Variants in TSC22D1 observed in about 807,000 individuals in gnomAD.
TSC22D1 encodes the protein TSC22 domain family protein 1.
TSC22D1 carries 9 observed loss-of-function variants against 74.2 expected under a neutral mutation model. The observed-to-expected ratio is 0.12, with a 90% CI of 0.07 to 0.21. The LOEUF (loss-of-function observed/expected upper bound fraction) is 0.21, where lower values mean the gene tolerates loss of function less well. Ranked by LOEUF, TSC22D1 falls within the 10% of genes least tolerant of loss-of-function variation. The pLI, the probability that TSC22D1 is intolerant of heterozygous loss-of-function variation, is 1.00. For missense variants in TSC22D1, 1,427 were observed against 1,304.7 expected, an observed-to-expected ratio of 1.09 and a Z score of -1.44; for synonymous variants, 586 against 492.5, an observed-to-expected ratio of 1.19 and a Z score of -2.51.
chr13:44,545,980 A>T (rs1053352875), intron 1 of TSC22D1, among the ~76,000 whole-genome samples: 2 of 151,858 alleles, frequency 1.3e-5, no homozygotes, highest in African/African-American at 2.4e-5. Context: ...CCGTCTCAAA[A>T]AAAAAAATAA....
At chr13:44,567,959 G>C (rs1883493022) in intron 1 of TSC22D1, among the ~76,000 whole-genome samples, 1 of 151,470 alleles carries the variant, frequency 6.6e-6, no homozygotes. Flanking sequence ...AAAAATGAGA[G>C]GAAGAAAAGG....
In TSC22D1 at chr13:44,575,376, TTGGAGGTGGTGCCCATGA is replaced by T. The variant is rs1350083349; in HGVS notation, c.681_698del (p.His227_Leu232del). 1 of 1,614,036 alleles carries T rather than the reference TTGGAGGTGGTGCCCATGA, an allele frequency of 6.2e-7. No individual in the cohort carries two copies. The highest frequency in any genetic ancestry group is 1.7e-5 in the Admixed American group (1 of 60,000). On this transcript the variant is annotated inframe_deletion, in exon 1 of 3. Transcript: ENST00000458659. ...CATGAGATGGATGGTGGTGACCATG[TTGGAGGTGGTGCCCATGA>T]TGAATCTGATGGTGGTGATGGAGGT...
chr13:44,570,094 T>A (rs547893078), intron 1 of TSC22D1, among the ~76,000 whole-genome samples: 1 of 152,034 alleles, frequency 6.6e-6, no homozygotes, highest in African/African-American at 2.4e-5. Context: ...GCTGTGCTAA[T>A]AACAATCACA....
At chr13:44,551,023 C>A (rs1434135718) in intron 1 of TSC22D1, among the ~76,000 whole-genome samples, 1 of 150,996 alleles carries the variant, frequency 6.6e-6, no homozygotes, top group East Asian at 2.0e-4. Context: ...GGGAGGATCA[C>A]CTGAGCTTGG....
intron 1 of TSC22D1, among the ~76,000 whole-genome samples, chr13:44,521,858 A>G (rs1308864577): frequency 2.0e-5 from 3 of 152,214 alleles, no homozygotes; most frequent in African/African-American, 7.2e-5. Flanking sequence ...CTACATACAT[A>G]TGGATCTTCC....
At chr13:44,555,463 G>A (rs2138172632) in intron 1 of TSC22D1, among the ~76,000 whole-genome samples, 1 of 152,152 alleles carries the variant, frequency 6.6e-6, no homozygotes. Flanking sequence ...AAAATAAGCT[G>A]GGTGTCGTGG....
chr13:44,564,550 T>A (rs911417465), intron 1 of TSC22D1, among the ~76,000 whole-genome samples: 1 of 152,004 alleles, frequency 6.6e-6, no homozygotes, highest in Non-Finnish European at 1.5e-5. Flanking sequence ...GAAGAATGGA[T>A]GAAAACTGAA....
rs796126786 is a variant in TSC22D1, at chr13:44,533,787, A to G, written c.2912+39376T>C. ...AATAGAGCGAGACTCTTGTCTCCAGAACAAACAAACAAACAAACAAAAATA... is the reference window on the plus strand; with the variant it reads ...AATAGAGCGAGACTCTTGTCTCCAGGACAAACAAACAAACAAACAAAAATA... On this transcript the variant is annotated intron_variant, in intron 1 of 2. Coordinates refer to ENST00000458659, the MANE Select transcript of TSC22D1 (RefSeq NM_183422.4). 6.0e-5 allele frequency among the ~76,000 whole-genome samples: 9 copies of G among 149,534 alleles called. No homozygotes were observed. The South Asian group carries it at 1.9e-3, about 31-fold the overall frequency.
chr13:44,564,829 T>G (rs1199084406), intron 1 of TSC22D1, among the ~76,000 whole-genome samples: 2 of 152,042 alleles, frequency 1.3e-5, no homozygotes, highest in African/African-American at 4.8e-5. Flanking sequence ...TGAGAGCTGA[T>G]GTTATGTTAG....
At chr13:44,489,592 G>A (rs909656341) in intron 1 of TSC22D1, among the ~76,000 whole-genome samples, 8 of 151,864 alleles carry the variant, frequency 5.3e-5, no homozygotes, top group Admixed American at 1.3e-4. Context: ...TTGGGAGGCC[G>A]AGGTGGGAGG....
chr13:44,486,215 A>G (rs1363500938), intron 1 of TSC22D1, among the ~76,000 whole-genome samples: 1 of 152,038 alleles, frequency 6.6e-6, no homozygotes, highest in Admixed American at 6.6e-5. Flanking sequence ...TGTCACCCCC[A>G]CAAAAAAACA....
intron 1 of TSC22D1, among the ~76,000 whole-genome samples, chr13:44,484,955 T>C (rs1264659729): frequency 6.6e-6 from 1 of 152,230 alleles, no homozygotes; most frequent in African/African-American, 2.4e-5. Flanking sequence ...TCAAATTCGA[T>C]TTCCTCATTT....
In TSC22D1 at chr13:44,573,918, T is replaced by A; in HGVS notation, c.2157A>T (p.Ala719=). The A allele has an allele frequency of 1.9e-6, 3 of 1,614,200 alleles. No individual in the cohort carries two copies. The highest frequency in any genetic ancestry group is 2.5e-6 in the Non-Finnish European group (3 of 1,180,048). ...SVQPVGQAPA[A]VSAVPTGSQI... ...GACTGCCAGTAGGTACAGCAGACACTGCTGCCGGAGCCTGGCCAACAGGCT... is the reference window on the plus strand; with the variant it reads ...GACTGCCAGTAGGTACAGCAGACACAGCTGCCGGAGCCTGGCCAACAGGCT... The change falls in exon 1 of 3, where the codon GCA becomes GCT. Residue 719 remains alanine, a synonymous_variant. Transcript: ENST00000458659.
Position 44,575,199 on chromosome 13 carries a change from A to G in TSC22D1, c.876T>C (p.Asn292=). Residue 292 remains asparagine (N), a synonymous_variant, in exon 1 of 3, where the codon AAT becomes AAC. Coordinates refer to ENST00000458659, the MANE Select transcript of TSC22D1 (RefSeq NM_183422.4). ...CACCTGTAGTACTTGGAGCACGCAT[A>G]TTAGTCATTACAGATGCAGGTGAAC... ...SSGSPASVMT[N]MRAPSTTGGI... is the part of the protein sequence containing the mutation. 1.9e-6 allele frequency: 3 copies of G among 1,614,090 alleles called. No homozygotes were observed. The highest frequency in any genetic ancestry group is 2.5e-6 in the Non-Finnish European group (3 of 1,180,038).
intron 1 of TSC22D1, chr13:44,451,355 A>C (rs1038229935): frequency 2.0e-5 from 3 of 152,212 alleles, no homozygotes; most frequent in Non-Finnish European, 2.9e-5. Flanking sequence ...CGCGTGTGAG[A>C]GCCAAAAACA....
chr13:44,549,341 A>G (rs1882050010), intron 1 of TSC22D1, among the ~76,000 whole-genome samples: 1 of 152,220 alleles, frequency 6.6e-6, no homozygotes, highest in African/African-American at 2.4e-5. Flanking sequence ...TCTACTTACA[A>G]ATAAATCCTT....
chr13:44,493,884 A>G (rs1003408572), intron 1 of TSC22D1, among the ~76,000 whole-genome samples: 3 of 152,194 alleles, frequency 2.0e-5, no homozygotes, highest in African/African-American at 7.2e-5. Context: ...CAAGCTAACA[A>G]ACAGACACTT....
Position 44,573,194 on chromosome 13 carries a change from T to G in TSC22D1, c.2881A>C (p.Thr961Pro), listed in dbSNP as rs749592060. 6 of 1,614,038 alleles carry G rather than the reference T, an allele frequency of 3.7e-6. No individual in the cohort carries two copies. In the African/African-American group the frequency reaches 8.0e-5, roughly 22 times the overall value. ...SLFPLKVLPL[T>P]TPLVDGEDES... The stretch of plus-strand genomic sequence containing the variant: ...TCCTCGCCATCCACCAGGGGTGTCG[T>G]CAGCGGTAGCACCTTCAACGGGAAA... Residue 961 changes from threonine to proline, a missense_variant, in exon 1 of 3, where the codon ACG (threonine) becomes CCG (proline). Transcript: ENST00000458659.
At chr13:44,554,795 A>G (rs902593264) in intron 1 of TSC22D1, among the ~76,000 whole-genome samples, 9 of 152,134 alleles carry the variant, frequency 5.9e-5, no homozygotes, top group Non-Finnish European at 1.3e-4. Flanking sequence ...AACTGCACCA[A>G]ATGTTTACCA....
Sources: gnomAD v4.1 joint callset for allele counts (sites outside exome capture counted in the v4.1 genomes callset) on GRCh38, gnomAD v4.1.1 for gene constraint, MANE v1.5 for transcripts, NCBI Gene and HGNC (gene_info 2026-07-23, HGNC 2026-07-21) for gene names.